Variants in DHX29 observed in about 807,000 individuals in gnomAD.
DHX29 encodes the protein ATP-dependent RNA helicase DHX29.
In DHX29, 79 loss-of-function variants were observed where a neutral mutation model predicts 167.9. The observed-to-expected ratio is 0.47, with a 90% confidence interval of 0.39 to 0.57. DHX29 has a LOEUF of 0.57. Among genes scored for constraint, DHX29 ranks in the 20% least tolerant of loss-of-function variants. DHX29 has a pLI of 0.00. For missense variants in DHX29, 1,347 were observed against 1,593.4 expected (o/e 0.85, Z 2.63); for synonymous variants, 530 against 546.0 (o/e 0.97, Z 0.41).
chr5:55,274,049 C>T (rs1346365282), intron 16 of DHX29, among the ~76,000 whole-genome samples: 7 of 149,288 alleles, frequency 4.7e-5, no homozygotes, highest in South Asian at 2.1e-4. Flanking sequence ...ATTGCGCTAT[C>T]GCACTCCAGC....
intron 13 of DHX29, 53 bp from the exon 14 acceptor site, chr5:55,276,459 A>T: frequency 7.0e-7 from 1 of 1,423,950 alleles, no homozygotes; most frequent in South Asian, 1.3e-5. Flanking sequence ...TTCAGTAAAT[A>T]TCATTTTAAA....
chr5:55,268,672 T>C (rs1014952683), intron 21 of DHX29, among the ~76,000 whole-genome samples: 4 of 152,168 alleles, frequency 2.6e-5, no homozygotes, highest in African/African-American at 7.2e-5. Context: ...ATAGCCTTTA[T>C]TGGTAATCCC....
Position 55,262,723 on chromosome 5 carries a change from G to T in DHX29, c.3735C>A (p.Cys1245Ter). Residue 1245 changes from cysteine (C) to a stop codon, truncating the protein, a stop_gained, in exon 24 of 27, where the codon TGC (cysteine) becomes TGA (stop). Transcript: ENST00000251636. LOFTEE classifies it high-confidence loss of function. Reference protein sequence around the residue: ...KSVDVTEKLACIVETAQGKAQ... With the variant: ...KSVDVTEKLA Reference sequence around the variant, plus strand: ...CTTTGCCTTGGGCCGTCTCCACAATGCAAGCCAATTTTTCTGTAACATCCA... The same window carrying T: ...CTTTGCCTTGGGCCGTCTCCACAATTCAAGCCAATTTTTCTGTAACATCCA... The T allele has an allele frequency of 1.2e-6, 2 of 1,614,018 alleles. No homozygotes were observed. Among genetic ancestry groups the T allele is most frequent in the Non-Finnish European group, 1.7e-6 (2 of 1,179,970 alleles).
chr5:55,299,812 A>G (rs1006396474), intron 1 of DHX29, among the ~76,000 whole-genome samples: 1 of 152,160 alleles, frequency 6.6e-6, no homozygotes, highest in Admixed American at 6.5e-5. Context: ...CCAGGTGGAC[A>G]TGAATATTTG....
chr5:55,266,854 A>G (rs1003998909), intron 23 of DHX29, among the ~76,000 whole-genome samples: 2 of 152,156 alleles, frequency 1.3e-5, no homozygotes, highest in African/African-American at 4.8e-5. Context: ...GCCTGAAGCC[A>G]TCTTACTGCT....
intron 21 of DHX29, among the ~76,000 whole-genome samples, chr5:55,268,717 T>TGGCACAGTAAGCATA (rs554606054): frequency 1.0e-3 from 155 of 152,294 alleles, no homozygotes; most frequent in African/African-American, 3.6e-3. Context: ...TTGTAAAGCT[T>TGGCACAGTAAGCATA]TGTGCCCAGA....
Position 55,281,530 on chromosome 5 carries a change from T to A in DHX29, c.1966-15A>T, listed in dbSNP as rs1370934678. 1.3e-6 allele frequency: 2 copies of A among 1,550,446 alleles called. No homozygotes were observed. Among genetic ancestry groups the A allele is most frequent in the Admixed American group, 3.9e-5 (2 of 51,392 alleles). Reference sequence around the variant, plus strand: ...CACAAGGAATTCTAAAGGGAGAACATAAGGCCTTGATTAGATTCTCATGAG... The same window carrying A: ...CACAAGGAATTCTAAAGGGAGAACAAAAGGCCTTGATTAGATTCTCATGAG... On this transcript the variant is annotated splice_polypyrimidine_tract_variant and intron_variant, in intron 11 of 26. Coordinates refer to ENST00000251636, the MANE Select transcript of DHX29 (RefSeq NM_019030.4).
chr5:55,289,233 T>G (rs1175045129), intron 8 of DHX29, 37 bp downstream of exon 8: 1 of 1,493,254 alleles, frequency 6.7e-7, no homozygotes, highest in Non-Finnish European at 8.9e-7. Flanking sequence ...TTTTATTATT[T>G]ACAAATTACA....
intron 8 of DHX29, among the ~76,000 whole-genome samples, chr5:55,286,865 T>C (rs1407796553): frequency 6.6e-6 from 1 of 152,244 alleles, no homozygotes; most frequent in Admixed American, 6.5e-5. Context: ...TTTTTTACCT[T>C]AGATATTCCA....
intron 8 of DHX29, among the ~76,000 whole-genome samples, chr5:55,286,839 G>C (rs987230179): frequency 6.6e-6 from 1 of 152,178 alleles, no homozygotes; most frequent in Non-Finnish European, 1.5e-5. Context: ...AAATTCTGTT[G>C]AATAGTGCTG....
Position 55,270,698 on chromosome 5 carries a change from T to C in DHX29, c.2873A>G (p.Glu958Gly). The stretch of plus-strand genomic sequence containing the variant: ...CACCAAAGAACTCATCTGACTGCTT[T>C]CATGGTACCTAAAGAAATGTTTTAG... ...TGRTKENKYHESSQMSSLVET... is the reference protein window; with the variant it reads ...TGRTKENKYHGSSQMSSLVET... Residue 958 changes from glutamate to glycine, a missense_variant, in exon 19 of 27, where the codon GAA (glutamate) becomes GGA (glycine). By Grantham distance (98) the Glu-to-Gly change is moderately conservative. Coordinates refer to ENST00000251636, the MANE Select transcript of DHX29 (RefSeq NM_019030.4). 1 of 1,611,586 alleles carries C rather than the reference T, an allele frequency of 6.2e-7. No homozygotes were observed. Among genetic ancestry groups the C allele is most frequent in the Admixed American group, 1.7e-5 (1 of 59,966 alleles).
chr5:55,276,609 T>C (rs954613576), intron 13 of DHX29, among the ~76,000 whole-genome samples: 1 of 152,184 alleles, frequency 6.6e-6, no homozygotes. Flanking sequence ...CAAATTACAT[T>C]ATGAGATATA....
At chr5:55,277,838 A>C (rs911669948) in intron 12 of DHX29, among the ~76,000 whole-genome samples, 2 of 150,438 alleles carry the variant, frequency 1.3e-5, no homozygotes, top group Non-Finnish European at 3.0e-5. Context: ...CCGAGGAGAC[A>C]GAGTTTGCAG....
At chr5:55,281,978 G>T (rs1561153164) in intron 11 of DHX29, among the ~76,000 whole-genome samples, 1 of 151,742 alleles carries the variant, frequency 6.6e-6, no homozygotes, top group Non-Finnish European at 1.5e-5. Context: ...TAGAGATGAG[G>T]TTTCACCATG....
At chr5:55,261,649 G>A (rs899039773) in intron 24 of DHX29, 150 bp from the exon 25 acceptor site, 17 of 607,270 alleles carry the variant, frequency 2.8e-5, no homozygotes, top group Non-Finnish European at 4.9e-5. Context: ...TTTCTTATGT[G>A]CATAATTTAT....
intron 12 of DHX29, among the ~76,000 whole-genome samples, chr5:55,278,257 A>G (rs1247993208): frequency 1.3e-5 from 2 of 152,216 alleles, no homozygotes; most frequent in Non-Finnish European, 2.9e-5. Context: ...AGGTAGCACA[A>G]AAGGATAAAG....
intron 6 of DHX29, among the ~76,000 whole-genome samples, chr5:55,293,002 A>G (rs1262095664): frequency 3.3e-5 from 5 of 151,622 alleles, no homozygotes; most frequent in African/African-American, 1.2e-4. Context: ...AATATAAAAA[A>G]GAATTCTCCA....
intron 10 of DHX29, 63 bp downstream of exon 10, chr5:55,285,230 A>G: frequency 6.4e-7 from 1 of 1,574,558 alleles, no homozygotes; most frequent in East Asian, 2.3e-5. Flanking sequence ...ATAAAGAGAA[A>G]ATTGAACCAT....
At chr5:55,260,156 G>GC (rs1421895428) in intron 25 of DHX29, among the ~76,000 whole-genome samples, 1 of 152,116 alleles carries the variant, frequency 6.6e-6, no homozygotes, top group Non-Finnish European at 1.5e-5. Context: ...CCAAAATAAG[G>GC]CAACTATTAC....
Sources: allele counts gnomAD v4.1 joint callset (sites outside exome capture counted in the v4.1 genomes callset), GRCh38; gene constraint gnomAD v4.1.1; transcripts MANE v1.5; gene names NCBI Gene and HGNC (gene_info 2026-07-23, HGNC 2026-07-21).